PTGER4: variants seen among roughly 807,000 people sequenced by gnomAD.
The protein encoded by PTGER4 is prostaglandin E2 receptor EP4 subtype.
Under a neutral mutation model 33.2 loss-of-function variants are expected in PTGER4, and 11 were observed. The observed-to-expected ratio is 0.33, with a 90% CI of 0.21 to 0.55. The LOEUF is 0.55. Ranked by LOEUF, PTGER4 falls within the 20% of genes least tolerant of loss-of-function variation. PTGER4 has a pLI of 0.92. For synonymous variants in PTGER4, 275 were observed against 281.5 expected (o/e 0.98, Z 0.23); for missense variants, 481 against 650.2 (o/e 0.74, Z 2.83).
At chr5:40,716,215 A>AACTGCTTCTG in the PTGER4 span, 5 of 1,614,184 alleles carry the variant, frequency 3.1e-6, no homozygotes, top group Non-Finnish European at 4.2e-6. Flanking sequence ...TACAGTCTCT[A>AACTGCTTCTG]TGGCCCCAGA....
chr5:40,722,557 G>C, the PTGER4 span, among the ~76,000 whole-genome samples: 2,606 of 142,902 alleles, frequency 0.018, 76 homozygotes, highest in African/African-American at 0.065. Flanking sequence ...GCCTGGCCGC[G>C]ACCCCGTCTG....
At chr5:40,743,573 G>C in the PTGER4 span, among the ~76,000 whole-genome samples, 1 of 151,720 alleles carries the variant, frequency 6.6e-6, no homozygotes, top group Non-Finnish European at 1.5e-5. Context: ...AGGGGTTCAA[G>C]ACCAGCCTGG....
At chr5:40,716,174 C>A in the PTGER4 span, 1 of 1,610,696 alleles carries the variant, frequency 6.2e-7, no homozygotes, top group Non-Finnish European at 8.5e-7. Context: ...ACAGAGCCAT[C>A]TGGTGGTGTA....
At chr5:40,716,065 T>A in the PTGER4 span, 1 of 1,192,492 alleles carries the variant, frequency 8.4e-7, no homozygotes, top group Non-Finnish European at 1.2e-6. Flanking sequence ...CTCCTATCTA[T>A]CTCCAGAGTA....
chr5:40,719,850 C>G, the PTGER4 span, among the ~76,000 whole-genome samples: 10 of 152,082 alleles, frequency 6.6e-5, 1 homozygote, highest in Admixed American at 6.6e-4. Flanking sequence ...TGGAAAAATA[C>G]CTTTTCAAAT....
At chr5:40,701,975 A>G in the PTGER4 span, among the ~76,000 whole-genome samples, 5 of 152,228 alleles carry the variant, frequency 3.3e-5, no homozygotes, top group African/African-American at 1.2e-4. Context: ...TCAGATAAGC[A>G]AATGTTGAGG....
the PTGER4 span, among the ~76,000 whole-genome samples, chr5:40,712,488 T>G: frequency 6.6e-6 from 1 of 152,134 alleles, no homozygotes; most frequent in Non-Finnish European, 1.5e-5. Context: ...GGTTAGAGGA[T>G]GTACTTTAAG....
At chr5:40,698,239 C>T (rs532636474), downstream of PTGER4, among the ~76,000 whole-genome samples, 1 of 151,766 alleles carries the variant, frequency 6.6e-6, no homozygotes, top group East Asian at 1.9e-4. Flanking sequence ...GATGGTGCCA[C>T]TGGACACCAG....
the PTGER4 span, among the ~76,000 whole-genome samples, chr5:40,724,706 G>C: frequency 1.3e-5 from 2 of 151,558 alleles, no homozygotes; most frequent in Admixed American, 6.6e-5. Context: ...TATTTTTCAA[G>C]AAAAAAACTC....
chr5:40,687,288 G>A (rs934355566), intron 2 of PTGER4, among the ~76,000 whole-genome samples: 19 of 151,926 alleles, frequency 1.3e-4, no homozygotes, highest in Admixed American at 9.8e-4. Context: ...CAGGTGATCC[G>A]CCTGCCTCAG....
At chr5:40,717,775 C>T in the PTGER4 span, among the ~76,000 whole-genome samples, 4 of 152,162 alleles carry the variant, frequency 2.6e-5, no homozygotes, top group Non-Finnish European at 4.4e-5. Context: ...TAAGATTGCA[C>T]TTAATCGGCC....
downstream of PTGER4, chr5:40,693,753 C>T (rs896081929): frequency 1.0e-6 from 1 of 971,260 alleles, no homozygotes; most frequent in Non-Finnish European, 1.2e-6. Context: ...TGCATATCCT[C>T]AGTTTGGGAA....
chr5:40,727,575 G>A, the PTGER4 span, among the ~76,000 whole-genome samples: 2 of 152,068 alleles, frequency 1.3e-5, no homozygotes, highest in African/African-American at 4.8e-5. Context: ...CCCTCAATAA[G>A]CCTAACAACT....
the PTGER4 span, among the ~76,000 whole-genome samples, chr5:40,707,854 A>T: frequency 6.6e-6 from 1 of 152,220 alleles, no homozygotes; most frequent in African/African-American, 2.4e-5. Context: ...GTGCAATCAA[A>T]CTAGAACTCA....
intron 2 of PTGER4, among the ~76,000 whole-genome samples, chr5:40,690,480 T>A (rs1741440926): frequency 6.6e-6 from 1 of 152,272 alleles, no homozygotes; most frequent in African/African-American, 2.4e-5. Flanking sequence ...CATTCTTCCA[T>A]GACTTTGCAC....
At chr5:40,737,147 A>G in the PTGER4 span, among the ~76,000 whole-genome samples, 11 of 152,236 alleles carry the variant, frequency 7.2e-5, no homozygotes, top group East Asian at 2.1e-3. Context: ...AATACAAAAA[A>G]TCAGCCAGGC....
the PTGER4 span, among the ~76,000 whole-genome samples, chr5:40,700,401 C>T: frequency 6.6e-6 from 1 of 152,252 alleles, no homozygotes; most frequent in Non-Finnish European, 1.5e-5. Flanking sequence ...TGAAACTGCC[C>T]TTGCCACCCT....
At chr5:40,703,202 A>G in the PTGER4 span, among the ~76,000 whole-genome samples, 1 of 140,690 alleles carries the variant, frequency 7.1e-6, no homozygotes, top group African/African-American at 2.7e-5. Flanking sequence ...AGATCAACAA[A>G]TCCAGGGGTT....
chr5:40,697,298 A>AAAGAAAG (rs1561134578), downstream of PTGER4, among the ~76,000 whole-genome samples: 3 of 138,692 alleles, frequency 2.2e-5, no homozygotes, highest in South Asian at 6.8e-4. Flanking sequence ...AAGAAAGAAA[A>AAAGAAAG]AGAAAGGCCA....
Sources: allele counts gnomAD v4.1 joint callset (sites outside exome capture counted in the v4.1 genomes callset), GRCh38; gene constraint gnomAD v4.1.1; transcripts MANE v1.5; gene names NCBI Gene and HGNC (gene_info 2026-07-23, HGNC 2026-07-21).